The following NDUFAF6 variants were observed in gnomAD, a reference collection of about 807,000 sequenced individuals.
The protein encoded by NDUFAF6 is NADH:ubiquinone oxidoreductase complex assembly factor 6, also known as NADH dehydrogenase (ubiquinone) complex I, assembly factor 6.
In NDUFAF6, 45 loss-of-function variants were observed where a neutral mutation model predicts 40.8. The observed-to-expected ratio is 1.10, with a 90% confidence interval of 0.87 to 1.42. The LOEUF (loss-of-function observed/expected upper bound fraction) is 1.42, where lower values mean the gene tolerates loss of function less well. Among genes scored for constraint, NDUFAF6 ranks in the 40% most tolerant of loss-of-function variants. NDUFAF6 has a pLI of 0.00. For synonymous variants in NDUFAF6, 185 were observed against 155.9 expected, an observed-to-expected ratio of 1.19 and a Z score of -1.39; for missense variants, 435 against 418.5, an observed-to-expected ratio of 1.04 and a Z score of -0.34.
At chr8:95,092,827 G>T (rs1030740703) in intron 2 of NDUFAF6, among the ~76,000 whole-genome samples, 4 of 152,250 alleles carry the variant, frequency 2.6e-5, no homozygotes. Flanking sequence ...CTCATGATCG[G>T]CCTGCTTTGG....
chr8:94,919,783 T>C (rs1007893316), intron 1 of NDUFAF6, among the ~76,000 whole-genome samples: 2 of 152,222 alleles, frequency 1.3e-5, no homozygotes, highest in African/African-American at 4.8e-5. Flanking sequence ...AATGCTGACC[T>C]GAAAGTCAGG....
chr8:94,898,428 C>T (rs1817796608), intron 1 of NDUFAF6, among the ~76,000 whole-genome samples: 1 of 152,114 alleles, frequency 6.6e-6, no homozygotes. Context: ...AACCATGCGA[C>T]AAAAACATCA....
intron 1 of NDUFAF6, among the ~76,000 whole-genome samples, chr8:95,026,736 A>G (rs569224825): frequency 2.6e-5 from 4 of 152,298 alleles, no homozygotes; most frequent in South Asian, 2.1e-4. Context: ...CTATTTTTCC[A>G]GGGATAGTCT....
intron 2 of NDUFAF6, among the ~76,000 whole-genome samples, chr8:94,948,467 A>G (rs551322521): frequency 2.4e-4 from 36 of 152,352 alleles, no homozygotes; most frequent in Admixed American, 1.1e-3. Flanking sequence ...CTCTTTCCAC[A>G]GGTGCAAAGT....
chr8:94,913,488 G>A (rs1472674157), intron 1 of NDUFAF6, among the ~76,000 whole-genome samples: 2 of 152,114 alleles, frequency 1.3e-5, no homozygotes, highest in African/African-American at 4.8e-5. Context: ...TAACCCTCAT[G>A]ATTATCTGTA....
upstream of NDUFAF6, among the ~76,000 whole-genome samples, chr8:95,097,950 T>A (rs1463011516): frequency 1.9e-4 from 29 of 152,160 alleles, 1 homozygote; most frequent in Admixed American, 1.9e-3. Flanking sequence ...TGAGGGAGAC[T>A]TGTGGTTGGT....
chr8:95,099,461 G>T (rs115082985), upstream of NDUFAF6, among the ~76,000 whole-genome samples: 1 of 151,852 alleles, frequency 6.6e-6, no homozygotes, highest in Admixed American at 6.6e-5. Flanking sequence ...GGGGTTGAGC[G>T]TAAAGAGTTC....
At chr8:95,008,756 C>G (rs975163356) in intron 2 of NDUFAF6, among the ~76,000 whole-genome samples, 2 of 152,072 alleles carry the variant, frequency 1.3e-5, no homozygotes, top group Non-Finnish European at 2.9e-5. Context: ...TGATCTGCCC[C>G]CCTCAGCCTC....
chr8:95,025,212 G>T lies in NDUFAF6; in HGVS notation c.197+7G>T. On this transcript the variant is annotated splice_region_variant and intron_variant, in intron 1 of 8. Transcript: ENST00000396124. ...ACTGCCTGGAGCTGCTGCGGTGAGC[G>T]AGCACGACCTTCCCTGGCGCGGCGG... 7.1e-7 allele frequency: 1 copy of T among 1,414,866 alleles called. No individual in the cohort carries two copies. Among genetic ancestry groups the T allele is most frequent in the Middle Eastern group, 2.4e-4 (1 of 4,232 alleles). The allele number at this position is 1,414,866 out of a possible 1,614,324, so 87.6% of individuals were successfully genotyped here.
intron 1 of NDUFAF6, among the ~76,000 whole-genome samples, chr8:94,907,951 A>T (rs1287897514): frequency 6.6e-6 from 1 of 152,196 alleles, no homozygotes; most frequent in Non-Finnish European, 1.5e-5. Context: ...TACCTAAAAT[A>T]GTGGCTGGCC....
chr8:94,997,279 CAAGA>C (rs1826473997), intron 2 of NDUFAF6, among the ~76,000 whole-genome samples: 1 of 111,708 alleles, frequency 9.0e-6, no homozygotes, highest in Non-Finnish European at 1.8e-5. Context: ...GGCACTTAAG[CAAGA>C]AGAAAGACAC....
At chr8:95,107,003 TG>T (rs1201506828), downstream of NDUFAF6, among the ~76,000 whole-genome samples, 2 of 152,178 alleles carry the variant, frequency 1.3e-5, no homozygotes, top group African/African-American at 4.8e-5. Context: ...GGAGAGGATG[TG>T]GAGAAGTAGG....
chr8:95,035,525 T>A lies in NDUFAF6; in HGVS notation c.369T>A (p.Asp123Glu), dbSNP rs370162137. 2 of 1,613,094 alleles carry A rather than the reference T, an allele frequency of 1.2e-6. No individual in the cohort carries two copies. Among genetic ancestry groups the A allele is most frequent in the African/African-American group, 2.7e-5 (2 of 74,760 alleles). Residue 123 changes from aspartate (D) to glutamate (E), a missense_variant, in exon 3 of 9, where the codon GAT (aspartate) becomes GAA (glutamate). By Grantham distance (45) the Asp-to-Glu change is conservative (BLOSUM62 2). Transcript: ENST00000396124. ...AGTTTTGGAAAAAAACTGTGGAAGATATATACTGTGACAATCCACCACATC... is the reference window on the plus strand; with the variant it reads ...AGTTTTGGAAAAAAACTGTGGAAGAAATATACTGTGACAATCCACCACATC... ...RMQFWKKTVE[D>E]IYCDNPPHQP... is the part of the protein sequence containing the mutation.
chr8:95,094,104 G>A (rs1809358283), intron 2 of NDUFAF6, among the ~76,000 whole-genome samples: 1 of 152,034 alleles, frequency 6.6e-6, no homozygotes, highest in Non-Finnish European at 1.5e-5. Flanking sequence ...CCTAGAAGCT[G>A]GGATTACAGG....
At chr8:94,978,320 A>T (rs897113951) in intron 1 of NDUFAF6, among the ~76,000 whole-genome samples, 7 of 152,198 alleles carry the variant, frequency 4.6e-5, no homozygotes, top group Admixed American at 1.3e-4. Context: ...TGTTAGAAGG[A>T]TGGCGCACTC....
At chr8:94,918,385 G>A (rs868525067) in intron 1 of NDUFAF6, among the ~76,000 whole-genome samples, 1 of 152,270 alleles carries the variant, frequency 6.6e-6, no homozygotes, top group South Asian at 2.1e-4. Flanking sequence ...TGCCAGGGAA[G>A]CCACCACTTC....
rs1009819205 is a variant in NDUFAF6 at position 95,043,147 on chromosome 8, C to T, written c.477+1521C>T. On this transcript the variant is annotated intron_variant, in intron 4 of 8. Transcript: ENST00000396124. ...GTTGCCAGGCTGGAGTGCAGTGACA[C>T]GATCTCGGCTCACTGCAATCTCCGC... Among the ~76,000 whole-genome samples, 27 of 149,374 alleles carry T rather than the reference C, an allele frequency of 1.8e-4. 1 individual carries two copies. Among genetic ancestry groups the T allele is most frequent in the Non-Finnish European group, 3.1e-4 (21 of 67,602 alleles).
At chr8:95,053,045 C>A (rs1224747658) in intron 8 of NDUFAF6, among the ~76,000 whole-genome samples, 1 of 152,152 alleles carries the variant, frequency 6.6e-6, no homozygotes, top group Non-Finnish European at 1.5e-5. Context: ...TGTAAACTTA[C>A]ACATTTTCTG....
At chr8:95,007,820 G>C (rs1008683968) in intron 2 of NDUFAF6, among the ~76,000 whole-genome samples, 1 of 151,836 alleles carries the variant, frequency 6.6e-6, no homozygotes, top group African/African-American at 2.4e-5. Context: ...TGCCTCCTAG[G>C]CTCAAGCGAT....
Sources: gnomAD v4.1 joint callset for allele counts (sites outside exome capture counted in the v4.1 genomes callset) on GRCh38, gnomAD v4.1.1 for gene constraint, MANE v1.5 for transcripts, NCBI Gene and HGNC (gene_info 2026-07-23, HGNC 2026-07-21) for gene names.